Variants in GSK3B observed in about 807,000 individuals in gnomAD.
GSK3B encodes glycogen synthase kinase 3 beta, also known as glycogen synthase kinase-3 beta.
A neutral mutation model predicts 56.4 loss-of-function variants in GSK3B; 15 were observed. That is an observed-to-expected ratio of 0.27 (90% CI 0.18 to 0.41). The LOEUF is 0.41. Ranked by LOEUF, GSK3B falls within the 10% of genes least tolerant of loss-of-function variation. The probability of loss-of-function intolerance (pLI) is 1.00; values close to 1 mark genes in which losing one functional copy is unlikely to be tolerated. For synonymous variants in GSK3B, 181 were observed against 188.9 expected (o/e 0.96, Z 0.34); for missense variants, 300 against 513.4 (o/e 0.58, Z 4.02).
chr3:119,837,400 C>T (rs540447715), intron 10 of GSK3B, among the ~76,000 whole-genome samples: 2 of 151,354 alleles, frequency 1.3e-5, no homozygotes, highest in East Asian at 1.9e-4. Context: ...CTCTTGACCT[C>T]GTGATCCACC....
At chr3:119,863,828 T>C (rs1174574988) in intron 8 of GSK3B, among the ~76,000 whole-genome samples, 1 of 152,154 alleles carries the variant, frequency 6.6e-6, no homozygotes, top group Admixed American at 6.6e-5. Flanking sequence ...TATATGCTAA[T>C]CATAAAGTAA....
At chr3:119,846,025 C>A (rs566807163) in intron 9 of GSK3B, among the ~76,000 whole-genome samples, 1 of 152,256 alleles carries the variant, frequency 6.6e-6, no homozygotes, top group Non-Finnish European at 1.5e-5. Context: ...CTTTGACAAA[C>A]CTATCAAAAA....
chr3:119,905,380 C>T (rs1446545314), intron 7 of GSK3B, among the ~76,000 whole-genome samples: 1 of 151,964 alleles, frequency 6.6e-6, no homozygotes, highest in Non-Finnish European at 1.5e-5. Flanking sequence ...CTATGTGCTC[C>T]ACAGAGTATT....
intron 3 of GSK3B, among the ~76,000 whole-genome samples, chr3:119,931,841 A>T (rs1212963164): frequency 6.6e-6 from 1 of 152,122 alleles, no homozygotes; most frequent in East Asian, 1.9e-4. Context: ...ACTTCCAAAA[A>T]AATTACATAA....
intron 1 of GSK3B, among the ~76,000 whole-genome samples, chr3:120,032,951 T>C (rs952556650): frequency 3.3e-5 from 5 of 152,198 alleles, no homozygotes; most frequent in Non-Finnish European, 5.9e-5. Context: ...TGTGCAACCA[T>C]CACCCCAATC....
At chr3:120,030,642 C>A (rs977720682) in intron 1 of GSK3B, among the ~76,000 whole-genome samples, 1 of 152,144 alleles carries the variant, frequency 6.6e-6, no homozygotes, top group Admixed American at 6.5e-5. Flanking sequence ...TATTCTTTTA[C>A]CACCCCCATC....
intron 1 of GSK3B, among the ~76,000 whole-genome samples, chr3:120,064,848 T>C (rs532742641): frequency 6.6e-6 from 1 of 152,254 alleles, no homozygotes; most frequent in East Asian, 1.9e-4. Context: ...AATAAACCCA[T>C]GTATCTATGG....
At chr3:119,986,594 A>T (rs2057518832) in intron 2 of GSK3B, among the ~76,000 whole-genome samples, 1 of 152,226 alleles carries the variant, frequency 6.6e-6, no homozygotes, top group African/African-American at 2.4e-5. Flanking sequence ...GCTCATCATC[A>T]CTGGTCATCA....
Position 119,876,355 on chromosome 3 carries a change from T to C in GSK3B, c.909+58A>G, listed in dbSNP as rs2056313246. On this transcript the variant is annotated intron_variant, in intron 8 of 10. Coordinates refer to ENST00000264235, the MANE Select transcript of GSK3B (RefSeq NM_001146156.2). ...TGATCTCAAAATAGTTTAAGAACAA[T>C]GAGAAACCTGTTTTAGTTAACTACT... The C allele has an allele frequency of 4.5e-6, 4 of 895,644 alleles. No homozygotes were observed. In the South Asian group the frequency reaches 5.5e-5, roughly 12 times the overall value. 55.5% of individuals were successfully genotyped at this position (895,644 alleles called of 1,614,324 possible).
chr3:119,873,592 T>G (rs1577329798), intron 8 of GSK3B, among the ~76,000 whole-genome samples: 1 of 152,240 alleles, frequency 6.6e-6, no homozygotes, highest in Admixed American at 6.5e-5. Context: ...TTTCTCAAGT[T>G]GCTGTCCACT....
intron 1 of GSK3B, among the ~76,000 whole-genome samples, chr3:120,087,133 T>G (rs939941864): frequency 1.3e-5 from 2 of 152,258 alleles, no homozygotes; most frequent in African/African-American, 4.8e-5. Context: ...GGAGCACTTC[T>G]GGTTTACTGT....
intron 8 of GSK3B, among the ~76,000 whole-genome samples, chr3:119,869,230 A>AAAAC (rs1298002192): frequency 5.3e-5 from 8 of 149,664 alleles, no homozygotes; most frequent in East Asian, 2.0e-4. Flanking sequence ...TCTCAAAAAA[A>AAAAC]AAAAAAAAAA....
chr3:120,075,378 G>A (rs921141293), intron 1 of GSK3B, among the ~76,000 whole-genome samples: 14 of 151,970 alleles, frequency 9.2e-5, no homozygotes, highest in Admixed American at 4.6e-4. Context: ...AGTGCTGGAA[G>A]AGCTTGTCTA....
At position 119,923,498 on chromosome 3, in the gene GSK3B, T is replaced by TTAAAAAAACAAAAAACAAAACAGA. The variant is rs1171796792; in HGVS notation, c.367-39_367-16dup. ...ACCTCATCTTTCTGAAAGAGTTTAT[T>TTAAAAAAACAAAAAACAAAACAGA]TAAAAAAACAAAAAACAAAACAGAT... On this transcript the variant is annotated splice_polypyrimidine_tract_variant and intron_variant, in intron 3 of 10. Coordinates refer to ENST00000264235, the MANE Select transcript of GSK3B (RefSeq NM_001146156.2). 1 of 1,364,406 alleles carries TTAAAAAAACAAAAAACAAAACAGA rather than the reference T, an allele frequency of 7.3e-7. No individual in the cohort carries two copies. 84.5% of individuals were successfully genotyped at this position (1,364,406 alleles called of 1,614,324 possible).
At chr3:119,919,255 A>C (rs1028508648) in intron 4 of GSK3B, among the ~76,000 whole-genome samples, 2 of 152,206 alleles carry the variant, frequency 1.3e-5, no homozygotes, top group African/African-American at 2.4e-5. Flanking sequence ...CATGTATGCC[A>C]AACAAGTCCT....
At chr3:120,013,605 C>T (rs2057797589) in intron 1 of GSK3B, among the ~76,000 whole-genome samples, 1 of 152,070 alleles carries the variant, frequency 6.6e-6, no homozygotes, top group Non-Finnish European at 1.5e-5. Context: ...GCAACAAAAG[C>T]CTAGAGAAAT....
chr3:119,914,294 GACCAA>G (rs1422405150), intron 5 of GSK3B, among the ~76,000 whole-genome samples: 2 of 152,040 alleles, frequency 1.3e-5, no homozygotes, highest in East Asian at 3.9e-4. Context: ...AACTCCATCT[GACCAA>G]ACCAATTTTG....
intron 9 of GSK3B, among the ~76,000 whole-genome samples, chr3:119,861,287 G>A (rs1458005485): frequency 6.6e-6 from 1 of 152,058 alleles, no homozygotes; most frequent in Non-Finnish European, 1.5e-5. Flanking sequence ...AAGGCAGGCA[G>A]ATCACCTGAG....
intron 10 of GSK3B, among the ~76,000 whole-genome samples, chr3:119,827,869 CA>C (rs35889690): frequency 9.6e-4 from 136 of 141,626 alleles, no homozygotes; most frequent in East Asian, 3.0e-3. Flanking sequence ...TTAATGGGTA[CA>C]AAAAAAAAAA....
Sources: allele counts gnomAD v4.1 joint callset (sites outside exome capture counted in the v4.1 genomes callset), GRCh38; gene constraint gnomAD v4.1.1; transcripts MANE v1.5; gene names NCBI Gene and HGNC (gene_info 2026-07-23, HGNC 2026-07-21).